Variants in DNAH7 observed in about 807,000 individuals in gnomAD.
DNAH7 encodes axonemal beta dynein heavy chain 7.
Under a neutral mutation model 444.6 loss-of-function variants are expected in DNAH7, and 397 were observed. The observed-to-expected ratio is 0.89, with a 90% CI of 0.82 to 0.97. The LOEUF (loss-of-function observed/expected upper bound fraction) is 0.97, where lower values mean the gene tolerates loss of function less well. DNAH7 is among the 50% of genes least tolerant of loss of function. DNAH7 has a pLI of 0.00. For missense variants in DNAH7, 4,902 were observed against 4,800.8 expected (o/e 1.02, Z -0.62); for synonymous variants, 1,636 against 1,624.4 (o/e 1.01, Z -0.17).
intron 5 of DNAH7, among the ~76,000 whole-genome samples, chr2:196,042,077 G>A (rs1468481773): frequency 6.6e-6 from 1 of 151,970 alleles, no homozygotes; most frequent in Non-Finnish European, 1.5e-5. Context: ...TGTGGGCAAG[G>A]ATGTAGAGAA....
At chr2:195,904,849 A>G (rs938667457) in intron 27 of DNAH7, 1 of 152,084 alleles carries the variant, frequency 6.6e-6, no homozygotes, top group South Asian at 2.1e-4. Flanking sequence ...ACTGGTAATG[A>G]TACTTTCTGG....
At chr2:195,994,449 G>A (rs1693559503) in intron 12 of DNAH7, 1 of 574,270 alleles carries the variant, frequency 1.7e-6, no homozygotes, top group South Asian at 1.6e-5. Flanking sequence ...GGAGGCCAAG[G>A]GAGAAAGGTT....
intron 47 of DNAH7, among the ~76,000 whole-genome samples, chr2:195,834,701 G>T (rs1698248267): frequency 6.6e-6 from 1 of 152,284 alleles, no homozygotes; most frequent in South Asian, 2.1e-4. Flanking sequence ...TGGAAATAAG[G>T]AAACTCCAGT....
chr2:195,993,010 T>A (rs1458405362), intron 12 of DNAH7, among the ~76,000 whole-genome samples: 1 of 152,182 alleles, frequency 6.6e-6, no homozygotes, highest in African/African-American at 2.4e-5. Context: ...ACAATGGGAA[T>A]GTCTTTCTCC....
chr2:195,857,467 T>C lies in DNAH7; in HGVS notation c.8324A>G (p.Asn2775Ser), dbSNP rs956471254. Residue 2775 changes from asparagine (N) to serine (S), a missense_variant, in exon 44 of 65, where the codon AAT (asparagine) becomes AGT (serine). By Grantham distance (46) the Asn-to-Ser change is conservative (BLOSUM62 1). Coordinates refer to ENST00000312428, the MANE Select transcript of DNAH7 (RefSeq NM_018897.3). ...GATTTTTTCTGGTACAAAATCTGGA[T>C]TTGGAATATAATTTTTTCTTATGAT... ...MNIIRKNYIP[N>S]PDFVPEKIRN... The C allele has an allele frequency of 1.5e-5, 24 of 1,613,504 alleles. No individual in the cohort carries two copies. The highest frequency in any genetic ancestry group is 1.9e-5 in the Non-Finnish European group (23 of 1,179,858).
intron 31 of DNAH7, among the ~76,000 whole-genome samples, chr2:195,891,219 T>C (rs573474201): frequency 3.3e-4 from 50 of 152,362 alleles, no homozygotes; most frequent in African/African-American, 1.1e-3. Context: ...TAAGACATCA[T>C]TGTGCAAAGG....
At chr2:195,825,954 A>C (rs1310037689) in intron 48 of DNAH7, among the ~76,000 whole-genome samples, 2 of 152,192 alleles carry the variant, frequency 1.3e-5, no homozygotes, top group Non-Finnish European at 2.9e-5. Context: ...AGCCTGTCAG[A>C]TTATTTTTGA....
chr2:196,052,622 A>G (rs529491494), intron 2 of DNAH7, among the ~76,000 whole-genome samples: 116 of 152,338 alleles, frequency 7.6e-4, no homozygotes, highest in Non-Finnish European at 1.4e-3. Context: ...TATTACGTAG[A>G]TAAGAAATCA....
intron 8 of DNAH7, among the ~76,000 whole-genome samples, chr2:196,023,790 T>C (rs1695521248): frequency 6.6e-6 from 1 of 152,226 alleles, no homozygotes; most frequent in South Asian, 2.1e-4. Context: ...CATGTCTTCC[T>C]CACTAAGCTT....
rs1701966342 is a variant in DNAH7 at position 195,890,736 on chromosome 2, T to C, written c.5046+919A>G. On this transcript the variant is annotated intron_variant, in intron 31 of 64. Coordinates refer to ENST00000312428, the MANE Select transcript of DNAH7 (RefSeq NM_018897.3). ...TCTGCCCCATGAGAGTCAGTCCTTA[T>C]GTCATTCATTGCCTAAGGTCTTTCC... Among the ~76,000 whole-genome samples, 4 of 152,184 alleles carry C rather than the reference T, an allele frequency of 2.6e-5. No homozygotes were observed. In the South Asian group the frequency reaches 6.2e-4, roughly 24 times the overall value.
chr2:195,770,867 T>A (rs944782631), intron 61 of DNAH7, among the ~76,000 whole-genome samples: 1 of 112,288 alleles, frequency 8.9e-6, no homozygotes, highest in Non-Finnish European at 1.7e-5. Context: ...ATGCCCAGCA[T>A]TTTTTTTTTT....
intron 54 of DNAH7, among the ~76,000 whole-genome samples, chr2:195,803,510 C>T (rs190959935): frequency 6.0e-4 from 92 of 152,318 alleles, no homozygotes; most frequent in South Asian, 1.9e-3. Flanking sequence ...AATGAACCTG[C>T]GTTAGCTATT....
intron 40 of DNAH7, 106 bp from the exon 41 acceptor site, chr2:195,865,127 G>T: frequency 1.7e-6 from 2 of 1,161,830 alleles, no homozygotes; most frequent in South Asian, 1.8e-5. Context: ...GAAAATTTCT[G>T]CAGGTTTTAT....
intron 15 of DNAH7, among the ~76,000 whole-genome samples, chr2:195,973,164 T>C (rs901377917): frequency 2.0e-5 from 3 of 151,852 alleles, no homozygotes; most frequent in African/African-American, 7.3e-5. Context: ...AGCAGAGTGG[T>C]AGGGCAGCAG....
intron 17 of DNAH7, among the ~76,000 whole-genome samples, chr2:195,968,337 C>T (rs1409928343): frequency 1.3e-5 from 2 of 152,072 alleles, no homozygotes; most frequent in South Asian, 2.1e-4. Flanking sequence ...TGAATCCTGC[C>T]AGGATTGTGT....
intron 7 of DNAH7, among the ~76,000 whole-genome samples, chr2:196,024,711 T>C (rs1381133017): frequency 6.6e-6 from 1 of 152,166 alleles, no homozygotes; most frequent in Non-Finnish European, 1.5e-5. Flanking sequence ...TGAGGATATA[T>C]GTTCCCTTTC....
At chr2:195,853,642 G>A in intron 45 of DNAH7, 114 bp from the exon 46 acceptor site, 1 of 1,062,584 alleles carries the variant, frequency 9.4e-7, no homozygotes, top group Non-Finnish European at 1.3e-6. Flanking sequence ...CTTCTGCCTG[G>A]GATTTCCTAT....
At chr2:196,045,117 A>AGGAGGAAGAGGAGAT (rs1443189206) in intron 5 of DNAH7, among the ~76,000 whole-genome samples, 1 of 149,420 alleles carries the variant, frequency 6.7e-6, no homozygotes, top group Non-Finnish European at 1.5e-5. Context: ...GAGGAGGAGG[A>AGGAGGAAGAGGAGAT]GGAGGAAGAG....
intron 15 of DNAH7, among the ~76,000 whole-genome samples, chr2:195,977,902 T>C (rs1692308288): frequency 6.6e-6 from 1 of 152,158 alleles, no homozygotes; most frequent in African/African-American, 2.4e-5. Context: ...GGTGAAAATA[T>C]CCTTCAAACA....
Sources: allele counts gnomAD v4.1 joint callset (sites outside exome capture counted in the v4.1 genomes callset), GRCh38; gene constraint gnomAD v4.1.1; transcripts MANE v1.5; gene names NCBI Gene and HGNC (gene_info 2026-07-23, HGNC 2026-07-21).